Variants in GALC observed in about 807,000 individuals in gnomAD.
The protein encoded by GALC is galactosylceramidase, also known as galactocerebrosidase.
GALC carries 77 observed loss-of-function variants against 91.8 expected under a neutral mutation model. That is an observed-to-expected ratio of 0.84 (90% confidence interval 0.70 to 1.01). GALC has a LOEUF of 1.01. Among genes scored for constraint, GALC ranks in the 50% least tolerant of loss-of-function variants. The pLI, the probability that GALC is intolerant of heterozygous loss-of-function variation, is 0.00. For synonymous variants in GALC, 357 were observed against 306.7 expected (o/e 1.16, Z -1.71); for missense variants, 882 against 855.9 (o/e 1.03, Z -0.38).
chr14:87,968,754 A>G (rs763036960), intron 7 of GALC, among the ~76,000 whole-genome samples: 2 of 152,188 alleles, frequency 1.3e-5, no homozygotes, highest in African/African-American at 2.4e-5. Context: ...TCATCAATAG[A>G]TAAGAAATTT....
At chr14:87,949,985 A>G (rs1885237132) in intron 11 of GALC, 54 bp from the exon 12 acceptor site, 8 of 890,396 alleles carry the variant, frequency 9.0e-6, no homozygotes, top group Non-Finnish European at 1.5e-5. Flanking sequence ...ATCCTCTTTG[A>G]GGATTTCCAA....
chr14:87,956,584 C>CA (rs774353953), intron 10 of GALC, among the ~76,000 whole-genome samples: 17 of 101,062 alleles, frequency 1.7e-4, no homozygotes, highest in Non-Finnish European at 3.2e-4. Flanking sequence ...TACACACACA[C>CA]CATATATATA....
intron 2 of GALC, 78 bp from the exon 3 acceptor site, chr14:87,988,285 GT>G: frequency 7.2e-7 from 1 of 1,397,720 alleles, no homozygotes; most frequent in Non-Finnish European, 1.0e-6. Flanking sequence ...ACTGCCTTAG[GT>G]TTTACAGACG....
intron 10 of GALC, chr14:87,954,228 A>G: frequency 6.5e-7 from 1 of 1,541,144 alleles, no homozygotes; most frequent in Non-Finnish European, 9.0e-7. Flanking sequence ...GAGGGTGAAC[A>G]GTATAGACTT....
At chr14:87,944,618 C>T (rs1195383767) in intron 14 of GALC, among the ~76,000 whole-genome samples, 1 of 152,016 alleles carries the variant, frequency 6.6e-6, no homozygotes, top group Non-Finnish European at 1.5e-5. Flanking sequence ...AATAACTCTT[C>T]ATAGTGTTAT....
chr14:87,964,245 T>C (rs1595213837), intron 9 of GALC, among the ~76,000 whole-genome samples: 2 of 152,134 alleles, frequency 1.3e-5, no homozygotes, highest in African/African-American at 4.8e-5. Context: ...TTAAGGAGTT[T>C]AGAATAATAT....
intron 10 of GALC, among the ~76,000 whole-genome samples, chr14:87,961,357 G>A (rs1384425382): frequency 6.6e-6 from 1 of 152,142 alleles, no homozygotes; most frequent in African/African-American, 2.4e-5. Flanking sequence ...TAAAACTGCT[G>A]GTGGCAATGT....
At chr14:87,978,222 T>C (rs932376444) in intron 6 of GALC, among the ~76,000 whole-genome samples, 4 of 152,168 alleles carry the variant, frequency 2.6e-5, no homozygotes, top group Admixed American at 2.0e-4. Context: ...TGGCTAATTT[T>C]ATATTTTTAG....
chr14:87,986,359 T>C, intron 4 of GALC, 130 bp downstream of exon 4: 2 of 704,212 alleles, frequency 2.8e-6, no homozygotes, highest in Non-Finnish European at 5.1e-6. Context: ...GCTTTGCTGC[T>C]GGTAGCATAC....
intron 10 of GALC, among the ~76,000 whole-genome samples, chr14:87,958,292 C>T (rs1211483644): frequency 6.6e-6 from 1 of 150,610 alleles, no homozygotes; most frequent in Non-Finnish European, 1.5e-5. Flanking sequence ...TACTGTAATT[C>T]GGTTAGTTTA....
intron 4 of GALC, 131 bp from the exon 5 acceptor site, chr14:87,984,664 GT>G: frequency 2.5e-6 from 2 of 803,274 alleles, no homozygotes; most frequent in Non-Finnish European, 4.1e-6. Flanking sequence ...CTAAAGGAAA[GT>G]TTATATACCA....
At chr14:87,942,102 G>T (rs1884884156) in intron 14 of GALC, among the ~76,000 whole-genome samples, 3 of 151,924 alleles carry the variant, frequency 2.0e-5, no homozygotes, top group Admixed American at 2.0e-4. Flanking sequence ...CCACAGAGTT[G>T]ACTCTCTAGG....
intron 6 of GALC, among the ~76,000 whole-genome samples, chr14:87,981,004 TA>T (rs1382024675): frequency 6.6e-6 from 1 of 152,148 alleles, no homozygotes; most frequent in Non-Finnish European, 1.5e-5. Context: ...TTCCTCTGGG[TA>T]GATACCCAGT....
At position 87,939,776 on chromosome 14, in the gene GALC, C is replaced by T. The variant is rs45626938; in HGVS notation, c.1911+129G>A. On this transcript the variant is annotated intron_variant, in intron 16 of 16. Coordinates refer to ENST00000261304, the MANE Select transcript of GALC (RefSeq NM_000153.4). ...ATCCTAGGGATGAGTGGCTTCCCGGCACCAAGGCAGATTCTTTGTCTCTCT... is the reference window on the plus strand; with the variant it reads ...ATCCTAGGGATGAGTGGCTTCCCGGTACCAAGGCAGATTCTTTGTCTCTCT... The T allele has an allele frequency of 0.53, 404,845 of 764,114 alleles. 111,626 individuals are homozygous for T. Among genetic ancestry groups the T allele is most frequent in the East Asian group, 0.76 (29,577 of 39,034 alleles). 47.3% of individuals were successfully genotyped at this position (764,114 alleles called of 1,614,324 possible). A position where few individuals can be genotyped will look rare whatever the true frequency, so the allele number is the denominator to read the frequency against.
intron 13 of GALC, among the ~76,000 whole-genome samples, chr14:87,947,065 A>T (rs1885101526): frequency 6.6e-6 from 1 of 151,990 alleles, no homozygotes; most frequent in Non-Finnish European, 1.5e-5. Context: ...TTAGGAGCAG[A>T]TTACAAAGCC....
intron 1 of GALC, chr14:87,992,392 T>C (rs1044635462): frequency 1.0e-5 from 16 of 1,535,688 alleles, no homozygotes; most frequent in East Asian, 2.4e-5. Flanking sequence ...TAAAGAGACC[T>C]TGAGGCACCA....
intron 1 of GALC, among the ~76,000 whole-genome samples, 193 bp from the exon 2 acceptor site, chr14:87,988,716 C>T (rs1056151136): frequency 2.7e-5 from 4 of 149,478 alleles, no homozygotes; most frequent in Non-Finnish European, 4.5e-5. Flanking sequence ...GCTGTCTGTC[C>T]GACAGCTAAA....
chr14:87,965,496 G>A lies in GALC; in HGVS notation c.1033+9C>T, dbSNP rs2139996023. Reference sequence around the variant, plus strand: ...AATTTAGGGAGTGAGAGATGGAACTGAACCATACCTGATACCCAGACAGGA... The same window carrying A: ...AATTTAGGGAGTGAGAGATGGAACTAAACCATACCTGATACCCAGACAGGA... On this transcript the variant is annotated intron_variant, in intron 9 of 16. Coordinates refer to ENST00000261304, the MANE Select transcript of GALC (RefSeq NM_000153.4). 6.2e-7 allele frequency: 1 copy of A among 1,613,210 alleles called. No homozygotes were observed. Among genetic ancestry groups the A allele is most frequent in the East Asian group, 2.2e-5 (1 of 44,852 alleles).
At chr14:87,973,604 G>A (rs1886381838) in intron 7 of GALC, among the ~76,000 whole-genome samples, 1 of 152,124 alleles carries the variant, frequency 6.6e-6, no homozygotes, top group Admixed American at 6.5e-5. Context: ...CACGGTAGGG[G>A]AGAAAAAGGG....
Sources: allele counts gnomAD v4.1 joint callset (sites outside exome capture counted in the v4.1 genomes callset), GRCh38; gene constraint gnomAD v4.1.1; transcripts MANE v1.5; gene names NCBI Gene and HGNC (gene_info 2026-07-23, HGNC 2026-07-21).